The following SAMMSON variants were observed in gnomAD, a reference collection of about 807,000 sequenced individuals.
SAMMSON encodes long intergenic non-protein coding RNA 1212.
intron 4 of SAMMSON, among the ~76,000 whole-genome samples, chr3:70,248,364 A>C (rs1199253797): frequency 6.6e-6 from 1 of 152,088 alleles, no homozygotes; most frequent in Admixed American, 6.6e-5. Context: ...TTTGAAAAGC[A>C]TGTTATATTG....
chr3:70,122,421 C>G (rs1263039307), intron 4 of SAMMSON, among the ~76,000 whole-genome samples: 1 of 152,134 alleles, frequency 6.6e-6, no homozygotes, highest in African/African-American at 2.4e-5. Context: ...GTTGCCCAGG[C>G]TGGTCTCAAA....
intron 4 of SAMMSON, among the ~76,000 whole-genome samples, chr3:70,234,712 T>C (rs1417309060): frequency 6.6e-6 from 1 of 152,172 alleles, no homozygotes; most frequent in Non-Finnish European, 1.5e-5. Context: ...TACATCTACT[T>C]TGCAGCAATT....
At chr3:70,032,300 A>C (rs1028487746) in intron 3 of SAMMSON, among the ~76,000 whole-genome samples, 4 of 152,208 alleles carry the variant, frequency 2.6e-5, no homozygotes, top group Non-Finnish European at 5.9e-5. Context: ...AATTAATTTG[A>C]ATAAGTCTGG....
intron 4 of SAMMSON, among the ~76,000 whole-genome samples, chr3:70,228,741 CTTT>C (rs74503205): frequency 1.5e-5 from 2 of 133,504 alleles, no homozygotes; most frequent in African/African-American, 2.8e-5. Context: ...TTTCATGAAT[CTTT>C]TTTTTTTTTT....
chr3:70,028,503 A>G (rs901577704), intron 3 of SAMMSON, among the ~76,000 whole-genome samples: 1 of 152,160 alleles, frequency 6.6e-6, no homozygotes, highest in Admixed American at 6.6e-5. Flanking sequence ...TAGGTGGCAA[A>G]TTCCTGTCTA....
At chr3:70,178,724 T>G (rs1437369699) in intron 4 of SAMMSON, among the ~76,000 whole-genome samples, 1 of 152,170 alleles carries the variant, frequency 6.6e-6, no homozygotes, top group East Asian at 1.9e-4. Context: ...AATAAGAACT[T>G]TGTGCTGGGC....
chr3:70,212,289 T>G (rs568284521), intron 4 of SAMMSON, among the ~76,000 whole-genome samples: 2 of 152,266 alleles, frequency 1.3e-5, no homozygotes, highest in South Asian at 2.1e-4. Flanking sequence ...CTATTGGACA[T>G]TTTTTGTGGG....
chr3:70,058,058 C>A (rs1349653068), intron 3 of SAMMSON, among the ~76,000 whole-genome samples: 1 of 152,066 alleles, frequency 6.6e-6, no homozygotes, highest in Non-Finnish European at 1.5e-5. Context: ...AATATCTCTT[C>A]ATTTTTTTCC....
intron 2 of SAMMSON, among the ~76,000 whole-genome samples, chr3:70,404,045 A>G (rs1354245995): frequency 6.6e-6 from 1 of 152,154 alleles, no homozygotes; most frequent in Non-Finnish European, 1.5e-5. Flanking sequence ...AATACTGATT[A>G]TATGGAATCT....
chr3:70,260,734 T>C (rs192084924), intron 6 of SAMMSON, among the ~76,000 whole-genome samples: 1 of 152,130 alleles, frequency 6.6e-6, no homozygotes, highest in East Asian at 1.9e-4. Flanking sequence ...CCCTTTCACT[T>C]TCAGATTTAG....
At chr3:70,063,451 C>T (rs1017794984) in intron 3 of SAMMSON, among the ~76,000 whole-genome samples, 1 of 152,030 alleles carries the variant, frequency 6.6e-6, no homozygotes, top group African/African-American at 2.4e-5. Flanking sequence ...GGCAGCAGCC[C>T]TAGGTGTTCT....
chr3:70,272,719 T>C (rs567950266), intron 6 of SAMMSON, among the ~76,000 whole-genome samples: 60 of 152,348 alleles, frequency 3.9e-4, no homozygotes, highest in African/African-American at 1.3e-3. Context: ...GTACATTGCA[T>C]TGCTGGAATG....
At chr3:70,036,323 C>A (rs774731339) in intron 3 of SAMMSON, among the ~76,000 whole-genome samples, 1 of 152,074 alleles carries the variant, frequency 6.6e-6, no homozygotes, top group Non-Finnish European at 1.5e-5. Context: ...AATTTCTTGG[C>A]GACCCAACAT....
At chr3:70,387,867 C>A (rs1700988579) in intron 9 of SAMMSON, among the ~76,000 whole-genome samples, 1 of 152,018 alleles carries the variant, frequency 6.6e-6, no homozygotes, top group African/African-American at 2.4e-5. Flanking sequence ...ACTTGAATTG[C>A]CTACATGAAA....
chr3:70,285,247 C>G (rs2106686177), intron 6 of SAMMSON, among the ~76,000 whole-genome samples: 1 of 141,018 alleles, frequency 7.1e-6, no homozygotes, highest in African/African-American at 2.6e-5. Flanking sequence ...GTGATGTTCC[C>G]CTTCCTGTGT....
At chr3:70,355,383 G>T (rs1268356818) in intron 8 of SAMMSON, among the ~76,000 whole-genome samples, 1 of 151,740 alleles carries the variant, frequency 6.6e-6, no homozygotes, top group East Asian at 1.9e-4. Context: ...CACAGATAAA[G>T]TAGGCATAAG....
At chr3:70,238,809 G>T (rs1325662416) in intron 4 of SAMMSON, among the ~76,000 whole-genome samples, 1 of 151,688 alleles carries the variant, frequency 6.6e-6, no homozygotes, top group Non-Finnish European at 1.5e-5. Flanking sequence ...TATCTAAACT[G>T]GTTAGGTTTC....
Position 70,006,233 on chromosome 3 carries a change from C to G in SAMMSON, n.23-6124C>G, listed in dbSNP as rs182949567. Among the ~76,000 whole-genome samples the G allele has an allele frequency of 2.5e-3, 376 of 152,176 alleles. 2 individuals carry two copies. The highest frequency in any genetic ancestry group is 4.1e-3 in the Non-Finnish European group (281 of 68,014). ...TTACAGAATATGTCTTATCAGTTTG[C>G]GTAATAAAAACCTCAAATGCTAGAT... On this transcript the variant is annotated intron_variant and non_coding_transcript_variant, in intron 1 of 9. Coordinates refer to ENST00000642114, the Ensembl canonical transcript of SAMMSON.
At chr3:70,249,255 A>G (rs1042610966) in intron 5 of SAMMSON, 4 of 152,192 alleles carry the variant, frequency 2.6e-5, no homozygotes, top group Admixed American at 1.3e-4. Flanking sequence ...TTGAAGGGAC[A>G]GAACTGGATT....
Sources: allele counts gnomAD v4.1 joint callset (sites outside exome capture counted in the v4.1 genomes callset), GRCh38; gene constraint gnomAD v4.1.1; transcripts MANE v1.5; gene names NCBI Gene and HGNC (gene_info 2026-07-23, HGNC 2026-07-21).